CTDP1: variants seen among roughly 807,000 people sequenced by gnomAD.
CTDP1 encodes RNA polymerase II subunit A C-terminal domain phosphatase.
A neutral mutation model predicts 91.8 loss-of-function variants in CTDP1; 47 were observed. The ratio of observed to expected loss-of-function variants is 0.51; its 90% confidence interval spans 0.41 to 0.65. CTDP1 has a LOEUF of 0.65. Among genes scored for constraint, CTDP1 ranks in the 30% least tolerant of loss-of-function variants. The pLI is 0.00. For synonymous variants in CTDP1, 656 were observed against 598.5 expected, an observed-to-expected ratio of 1.10 and a Z score of -1.40; for missense variants, 1,272 against 1,373.7, an observed-to-expected ratio of 0.93 and a Z score of 1.17.
chr18:79,712,061 C>T (rs1181868153), intron 6 of CTDP1, among the ~76,000 whole-genome samples: 1 of 120,352 alleles, frequency 8.3e-6, no homozygotes. Flanking sequence ...GTATTTACTT[C>T]AGAAACCTCC....
rs1383859656 is a variant in CTDP1, at chr18:79,714,752, A to C, written c.1292A>C (p.Gln431Pro). Residue 431 changes from glutamine to proline, a missense_variant, in exon 8 of 13, where the codon CAG (glutamine) becomes CCG (proline). Gln to Pro is a moderately conservative substitution (Grantham distance 76). Transcript: ENST00000613122. ...CCTGAGCCCCAGGGATCCTGTGCGC[A>C]GGGTGGCCGGGTGGCACCGGGACAG... Reference protein sequence around the residue: ...GAPEPQGSCAQGGRVAPGQRP... With the variant: ...GAPEPQGSCAPGGRVAPGQRP... 6.2e-7 allele frequency: 1 copy of C among 1,601,816 alleles called. No individual in the cohort carries two copies. Among genetic ancestry groups the C allele is most frequent in the Non-Finnish European group, 8.5e-7 (1 of 1,175,070 alleles).
At chr18:79,736,703 A>G (rs2086674952) in intron 12 of CTDP1, among the ~76,000 whole-genome samples, 182 bp downstream of exon 12, 1 of 151,994 alleles carries the variant, frequency 6.6e-6, no homozygotes, top group African/African-American at 2.4e-5. Context: ...ATGCTGATCC[A>G]TGTCATCTTA....
Position 79,713,082 on chromosome 18 carries a change from G to T in CTDP1, c.974G>T (p.Gly325Val). The change falls in exon 7 of 13, where the codon GGC becomes GTC. Residue 325 changes from glycine (G) to valine (V), a missense_variant. Around this residue, in one of 3 missense-constraint regions of CTDP1, gnomAD observed 881 missense variants for 911.6 expected, o/e 0.97. Transcript: ENST00000613122. The surrounding 1 kb of genome is among the most constrained non-coding windows in gnomAD (Gnocchi z 4.7). ...GTGAAGAAATATGTATACTTCCAGGGCACGGGTGATATGAATGCGCCCCCT... is the reference window on the plus strand; with the variant it reads ...GTGAAGAAATATGTATACTTCCAGGTCACGGGTGATATGAATGCGCCCCCT... The part of the protein sequence containing the change: ...ITVKKYVYFQ[G>V]TGDMNAPPGS... 6.2e-7 allele frequency: 1 copy of T among 1,614,104 alleles called. No individual in the cohort carries two copies. The highest frequency in any genetic ancestry group is 8.5e-7 in the Non-Finnish European group (1 of 1,180,030).
At chr18:79,701,609 G>GA (rs2085862430) in intron 4 of CTDP1, among the ~76,000 whole-genome samples, 1 of 152,094 alleles carries the variant, frequency 6.6e-6, no homozygotes, top group Admixed American at 6.5e-5. Flanking sequence ...CTGCCTTAGA[G>GA]AGCAATTCTG....
In CTDP1 at chr18:79,754,494, C is replaced by A. The variant is rs1334261364; in HGVS notation, c.*704C>A. 6.5e-6 allele frequency: 1 copy of A among 152,710 alleles called. No individual in the cohort carries two copies. The allele number at this position is 152,710 out of a possible 1,614,324, so 9.5% of individuals were successfully genotyped here. On this transcript the variant is annotated 3_prime_UTR_variant, in exon 13 of 13. Coordinates refer to ENST00000613122, the MANE Select transcript of CTDP1 (RefSeq NM_004715.5). Reference sequence around the variant, plus strand: ...AACAGATTTCTCTTTAATAAAAATCCTTTTTGTAAGTTCTCTTCTCGTGGG... The same window carrying A: ...AACAGATTTCTCTTTAATAAAAATCATTTTTGTAAGTTCTCTTCTCGTGGG...
At position 79,704,802 on chromosome 18, in the gene CTDP1, C is replaced by T; in HGVS notation, c.657C>T (p.Pro219=). ...IFHFQLGRGE[P]MLHTRLRPHC... is the part of the protein sequence containing the mutation. Reference sequence around the variant, plus strand: ...ACTTCCAGCTGGGCCGGGGTGAGCCCATGCTGCACACGCGCCTGCGTCCAC... The same window carrying T: ...ACTTCCAGCTGGGCCGGGGTGAGCCTATGCTGCACACGCGCCTGCGTCCAC... Residue 219 remains proline (P), a synonymous_variant, in exon 5 of 13, where the codon CCC becomes CCT. Transcript: ENST00000613122. The T allele has an allele frequency of 6.2e-7, 1 of 1,614,010 alleles. No individual in the cohort carries two copies. Among genetic ancestry groups the T allele is most frequent in the Non-Finnish European group, 8.5e-7 (1 of 1,180,040 alleles).
chr18:79,723,103 C>T (rs991825212), intron 10 of CTDP1, among the ~76,000 whole-genome samples: 3 of 152,228 alleles, frequency 2.0e-5, no homozygotes, highest in African/African-American at 4.8e-5. Context: ...ACGGGTCCAG[C>T]GTGGTCTCCT....
intron 10 of CTDP1, among the ~76,000 whole-genome samples, chr18:79,719,625 C>T (rs946566821): frequency 4.6e-5 from 7 of 151,428 alleles, no homozygotes; most frequent in African/African-American, 1.7e-4. Flanking sequence ...GATGATGTCA[C>T]CTCCCATTAG....
chr18:79,702,409 G>A (rs1228707963), intron 4 of CTDP1, among the ~76,000 whole-genome samples: 1 of 151,864 alleles, frequency 6.6e-6, no homozygotes, highest in Non-Finnish European at 1.5e-5. Flanking sequence ...AGTCTTGCTG[G>A]GTTGCCCAGG....
intron 5 of CTDP1, among the ~76,000 whole-genome samples, chr18:79,706,190 A>T (rs1227925398): frequency 1.3e-5 from 2 of 152,224 alleles, no homozygotes; most frequent in Non-Finnish European, 1.5e-5. Flanking sequence ...ACTGACCTGC[A>T]GCCAAGTTGC....
intron 1 of CTDP1, among the ~76,000 whole-genome samples, chr18:79,691,199 G>A (rs1006707683): frequency 2.0e-5 from 3 of 152,178 alleles, no homozygotes; most frequent in East Asian, 1.9e-4. Flanking sequence ...CGTCTGACTC[G>A]TATTACACTG....
At chr18:79,678,975 C>G (rs2085293558), upstream of CTDP1, 3 of 232,016 alleles carry the variant, frequency 1.3e-5, no homozygotes, top group Non-Finnish European at 2.6e-5. Context: ...AGACTACAGG[C>G]CTGGCCGCCC....
chr18:79,692,486 T>C (rs896289163), intron 1 of CTDP1, among the ~76,000 whole-genome samples: 1 of 152,216 alleles, frequency 6.6e-6, no homozygotes, highest in Admixed American at 6.5e-5. Flanking sequence ...CTTGTCAATT[T>C]CTACAAAAAA....
At chr18:79,679,090 G>A (rs1301700022), upstream of CTDP1, 1 of 290,106 alleles carries the variant, frequency 3.4e-6, no homozygotes, top group Admixed American at 4.9e-5. Flanking sequence ...GGGCCACTGA[G>A]ACCACGCGCC....
At position 79,713,135 on chromosome 18, in the gene CTDP1, A is replaced by T; in HGVS notation, c.1027A>T (p.Lys343Ter). ...GTCCCGAGAATCTCAGACGAGAAAGAAAGGTGGGTAACCTCCTTCCTGATT... is the reference window on the plus strand; with the variant it reads ...GTCCCGAGAATCTCAGACGAGAAAGTAAGGTGGGTAACCTCCTTCCTGATT... ...PGSRESQTRK[K>*]VNHSRGTEVS... Residue 343 changes from lysine to a stop codon, truncating the protein, a stop_gained, in exon 7 of 13, where the codon AAA becomes TAA. Coordinates refer to ENST00000613122, the MANE Select transcript of CTDP1 (RefSeq NM_004715.5). LOFTEE classifies it high-confidence loss of function. The surrounding 1 kb of genome is among the most constrained non-coding windows in gnomAD (Gnocchi z 4.7). 6.2e-7 allele frequency: 1 copy of T among 1,613,934 alleles called. No individual in the cohort carries two copies. The highest frequency in any genetic ancestry group is 8.5e-7 in the Non-Finnish European group (1 of 1,179,906).
chr18:79,698,232 C>T (rs1011082845), intron 4 of CTDP1, among the ~76,000 whole-genome samples: 1 of 152,202 alleles, frequency 6.6e-6, no homozygotes, highest in Non-Finnish European at 1.5e-5. Flanking sequence ...GTGTGGGAAC[C>T]CTTTGTGTGC....
intron 5 of CTDP1, among the ~76,000 whole-genome samples, chr18:79,709,374 A>G (rs932347074): frequency 1.3e-5 from 2 of 152,220 alleles, no homozygotes; most frequent in African/African-American, 2.4e-5. Flanking sequence ...AGTTCAGAAG[A>G]TAAATTTATA....
Position 79,714,931 on chromosome 18 carries a change from C to A in CTDP1, c.1471C>A (p.Pro491Thr). The A allele has an allele frequency of 6.4e-7, 1 of 1,564,064 alleles. No homozygotes were observed. ...KRGRQKPKAAPEGAGALAQGS... is the reference protein window; with the variant it reads ...KRGRQKPKAATEGAGALAQGS... The stretch of plus-strand genomic sequence containing the variant: ...AGGCCGGCAGAAGCCGAAGGCTGCC[C>A]CAGAGGGAGCCGGGGCGCTGGCACA... The change falls in exon 8 of 13, where the codon CCA (proline) becomes ACA (threonine). Residue 491 changes from proline to threonine, a missense_variant. Pro to Thr is a conservative substitution (Grantham distance 38, BLOSUM62 -1). Transcript: ENST00000613122.
At chr18:79,690,480 A>G (rs1344069671) in intron 1 of CTDP1, among the ~76,000 whole-genome samples, 2 of 152,262 alleles carry the variant, frequency 1.3e-5, no homozygotes, top group Non-Finnish European at 2.9e-5. Context: ...TCCGCATTCA[A>G]GAATCCACAA....
Sources: gnomAD v4.1 joint callset for allele counts (sites outside exome capture counted in the v4.1 genomes callset) on GRCh38, gnomAD v4.1.1 for gene constraint, gnomAD v4.1.1 regional missense constraint, Gnocchi (gnomAD v3.1) non-coding constraint, MANE v1.5 for transcripts, NCBI Gene and HGNC (gene_info 2026-07-23, HGNC 2026-07-21) for gene names.